IPCEF1: variants seen among roughly 807,000 people sequenced by gnomAD.
The protein encoded by IPCEF1 is interaction protein for cytohesin exchange factors 1.
A neutral mutation model predicts 50.9 loss-of-function variants in IPCEF1; 31 were observed. The observed-to-expected ratio is 0.61, with a 90% CI of 0.46 to 0.82. IPCEF1 has a LOEUF of 0.82. IPCEF1 is among the 40% of genes least tolerant of loss of function. The probability of loss-of-function intolerance (pLI) is 0.00; values close to 1 mark genes in which losing one functional copy is unlikely to be tolerated. For missense variants in IPCEF1, 458 were observed against 514.0 expected (o/e 0.89, Z 1.05); for synonymous variants, 181 against 192.0 (o/e 0.94, Z 0.47).
intron 1 of IPCEF1, among the ~76,000 whole-genome samples, chr6:154,333,105 T>C (rs1414764892): frequency 6.6e-6 from 1 of 152,156 alleles, no homozygotes; most frequent in Non-Finnish European, 1.5e-5. Flanking sequence ...GTCTTCAGGG[T>C]GTTACTGGAA....
chr6:154,337,675 G>A (rs889534139), intron 1 of IPCEF1, among the ~76,000 whole-genome samples: 3 of 152,170 alleles, frequency 2.0e-5, no homozygotes, highest in Admixed American at 1.3e-4. Flanking sequence ...GAAAGGGGAG[G>A]AGGGAGGAAC....
At chr6:154,295,514 T>C (rs778414829) in intron 1 of IPCEF1, among the ~76,000 whole-genome samples, 7 of 151,556 alleles carry the variant, frequency 4.6e-5, no homozygotes, top group Non-Finnish European at 8.8e-5. Context: ...ATGAGGACTT[T>C]CCATAGTGGC....
intron 3 of IPCEF1, among the ~76,000 whole-genome samples, chr6:154,251,723 A>G (rs891247473): frequency 1.3e-5 from 2 of 152,176 alleles, no homozygotes; most frequent in Non-Finnish European, 2.9e-5. Flanking sequence ...AGGACTAGAG[A>G]TTGTGGCGAA....
intron 1 of IPCEF1, among the ~76,000 whole-genome samples, chr6:154,338,893 G>A (rs1208153739): frequency 6.6e-6 from 1 of 152,028 alleles, no homozygotes; most frequent in East Asian, 1.9e-4. Context: ...AGCCAAGACT[G>A]CAACACTGCA....
chr6:154,209,884 G>A (rs1777827197), intron 9 of IPCEF1, among the ~76,000 whole-genome samples: 1 of 152,136 alleles, frequency 6.6e-6, no homozygotes, highest in East Asian at 1.9e-4. Flanking sequence ...TTTAGAAAAT[G>A]TTAGCATTAA....
chr6:154,343,935 T>A (rs1230446870), intron 1 of IPCEF1, among the ~76,000 whole-genome samples: 1 of 152,160 alleles, frequency 6.6e-6, no homozygotes, highest in Non-Finnish European at 1.5e-5. Flanking sequence ...CGACCTCACA[T>A]ATCCCCACGT....
intron 5 of IPCEF1, among the ~76,000 whole-genome samples, chr6:154,235,228 A>G (rs1210751871): frequency 6.6e-6 from 1 of 152,242 alleles, no homozygotes; most frequent in African/African-American, 2.4e-5. Context: ...CTCTTTGAAT[A>G]TTAGAGATTT....
At chr6:154,302,540 G>C (rs997752217) in intron 1 of IPCEF1, among the ~76,000 whole-genome samples, 2 of 152,028 alleles carry the variant, frequency 1.3e-5, no homozygotes, top group Non-Finnish European at 2.9e-5. Flanking sequence ...AGTGGCATGA[G>C]CTCAGTTCAC....
chr6:154,302,676 T>C (rs1052025930), intron 1 of IPCEF1, among the ~76,000 whole-genome samples: 3 of 152,118 alleles, frequency 2.0e-5, no homozygotes, highest in Non-Finnish European at 2.9e-5. Context: ...GGCTTCACCA[T>C]GTTGCCCAGG....
At chr6:154,272,022 C>G (rs6557343) in intron 2 of IPCEF1, among the ~76,000 whole-genome samples, 66,152 of 152,020 alleles carry the variant, frequency 0.44, 15,667 homozygotes, top group East Asian at 0.65. Context: ...ATGTAGATTA[C>G]AGTCAAGTAG....
chr6:154,222,804 G>C (rs148868480), intron 6 of IPCEF1, among the ~76,000 whole-genome samples: 4 of 152,170 alleles, frequency 2.6e-5, no homozygotes, highest in African/African-American at 9.7e-5. Context: ...TCTTGCTGGC[G>C]TATCTGCAAC....
intron 10 of IPCEF1, among the ~76,000 whole-genome samples, chr6:154,186,211 G>A (rs1356167184): frequency 6.6e-6 from 1 of 152,130 alleles, no homozygotes; most frequent in Non-Finnish European, 1.5e-5. Context: ...ATTTCTGTGA[G>A]GCATTTCAAA....
intron 1 of IPCEF1, among the ~76,000 whole-genome samples, chr6:154,323,260 C>A (rs964510552): frequency 1.3e-5 from 2 of 152,148 alleles, no homozygotes; most frequent in African/African-American, 2.4e-5. Context: ...TTGCCCCTAG[C>A]GCCCCTCAAC....
intron 3 of IPCEF1, among the ~76,000 whole-genome samples, chr6:154,249,559 C>A (rs1206564411): frequency 6.6e-6 from 1 of 152,006 alleles, no homozygotes. Context: ...CTCCAATGAA[C>A]AAGATGAAAT....
intron 2 of IPCEF1, among the ~76,000 whole-genome samples, chr6:154,288,676 CAAAAAA>C (rs558703057): frequency 2.1e-5 from 1 of 46,892 alleles, no homozygotes; most frequent in Non-Finnish European, 4.9e-5. Flanking sequence ...ACAAAAAAAA[CAAAAAA>C]AAAAAAAAAA....
intron 2 of IPCEF1, among the ~76,000 whole-genome samples, chr6:154,285,702 G>A (rs891942966): frequency 6.6e-6 from 1 of 152,064 alleles, no homozygotes. Context: ...CCTTCAAGAA[G>A]AAAATATATG....
chr6:154,288,676 C>CAAAAA (rs558703057), intron 2 of IPCEF1, among the ~76,000 whole-genome samples: 30 of 46,912 alleles, frequency 6.4e-4, no homozygotes, highest in South Asian at 1.3e-3. Flanking sequence ...ACAAAAAAAA[C>CAAAAA]AAAAAAAAAA....
intron 1 of IPCEF1, among the ~76,000 whole-genome samples, chr6:154,338,700 C>T (rs914973984): frequency 1.1e-4 from 17 of 152,100 alleles, no homozygotes; most frequent in Non-Finnish European, 1.8e-4. Flanking sequence ...TAGAGAATCA[C>T]TCTAGAACCC....
intron 1 of IPCEF1, among the ~76,000 whole-genome samples, chr6:154,350,069 A>C (rs531482115): frequency 3.9e-5 from 6 of 152,308 alleles, no homozygotes; most frequent in Non-Finnish European, 8.8e-5. Context: ...CTGTCATTAA[A>C]GTACTTATGC....
Sources: gnomAD v4.1 joint callset for allele counts (sites outside exome capture counted in the v4.1 genomes callset) on GRCh38, gnomAD v4.1.1 for gene constraint, MANE v1.5 for transcripts, NCBI Gene and HGNC (gene_info 2026-07-23, HGNC 2026-07-21) for gene names.